Variants in CENPP observed in about 807,000 individuals in gnomAD.
CENPP encodes centromere protein P.
In CENPP, 24 loss-of-function variants were observed where a neutral mutation model predicts 35.6. The ratio of observed to expected loss-of-function variants is 0.67; its 90% confidence interval spans 0.49 to 0.95. The LOEUF (loss-of-function observed/expected upper bound fraction) is 0.95. Among genes scored for constraint, CENPP ranks in the 40% least tolerant of loss-of-function variants. The pLI, the probability that CENPP is intolerant of heterozygous loss-of-function variation, is 0.00. For missense variants in CENPP, 332 were observed against 345.3 expected, an observed-to-expected ratio of 0.96 and a Z score of 0.31; for synonymous variants, 120 against 125.5, an observed-to-expected ratio of 0.96 and a Z score of 0.29.
At chr9:92,390,778 A>G (rs763923036) in intron 5 of CENPP, among the ~76,000 whole-genome samples, 2 of 152,212 alleles carry the variant, frequency 1.3e-5, no homozygotes, top group Non-Finnish European at 2.9e-5. Flanking sequence ...TCCATCAACT[A>G]TTAGTATATA....
At chr9:92,499,795 T>G (rs145255168) in intron 5 of CENPP, among the ~76,000 whole-genome samples, 58 of 152,362 alleles carry the variant, frequency 3.8e-4, no homozygotes, top group African/African-American at 1.3e-3. Flanking sequence ...GGGGAAAGAC[T>G]AAGAGGCATA....
At chr9:92,454,031 T>C (rs908256336) in intron 5 of CENPP, among the ~76,000 whole-genome samples, 4 of 152,224 alleles carry the variant, frequency 2.6e-5, no homozygotes, top group African/African-American at 9.6e-5. Context: ...GAAAATCACT[T>C]CAGTAATTTA....
At position 92,476,697 on chromosome 9, in the gene CENPP, C is replaced by T. The variant is rs1452596619; in HGVS notation, c.564+96838C>T. On this transcript the variant is annotated intron_variant, in intron 5 of 7. Coordinates refer to ENST00000375587, the MANE Select transcript of CENPP (RefSeq NM_001012267.3). This position sits in a 1 kb window ranked among gnomAD's most constrained non-coding sequence, Gnocchi z 4.1. ...CTAGCCCTAGCCTCCCATCTGTACA[C>T]TACTTTGTGGAGGTGTTAATTCAGA... Among the ~76,000 whole-genome samples the T allele has an allele frequency of 6.6e-6, 1 of 152,196 alleles. No homozygotes were observed. Among genetic ancestry groups the T allele is most frequent in the Non-Finnish European group, 1.5e-5 (1 of 68,024 alleles).
chr9:92,464,622 G>C, intron 5 of CENPP: 1 of 507,268 alleles, frequency 2.0e-6, no homozygotes, highest in South Asian at 1.5e-5. Context: ...CCTCTAACAG[G>C]TACTGCACAG....
intron 5 of CENPP, among the ~76,000 whole-genome samples, chr9:92,575,859 A>G (rs187978270): frequency 6.6e-6 from 1 of 152,252 alleles, no homozygotes; most frequent in Admixed American, 6.5e-5. Context: ...AATAACAAGC[A>G]CTGGCAAGAA....
intron 5 of CENPP, among the ~76,000 whole-genome samples, chr9:92,498,603 A>G (rs1015000566): frequency 6.6e-6 from 1 of 152,182 alleles, no homozygotes; most frequent in Non-Finnish European, 1.5e-5. Context: ...AAAACCAAAA[A>G]TAAACTAAAT....
At chr9:92,400,989 G>A in intron 5 of CENPP, 1 of 609,424 alleles carries the variant, frequency 1.6e-6, no homozygotes, top group Non-Finnish European at 2.9e-6. Context: ...TCCACTGTTT[G>A]TATTTACTGT....
chr9:92,566,650 G>A (rs928749862), intron 5 of CENPP, among the ~76,000 whole-genome samples: 2 of 152,282 alleles, frequency 1.3e-5, no homozygotes, highest in East Asian at 3.9e-4. Flanking sequence ...TTTGGAGATA[G>A]GGCAATGGAA....
At chr9:92,557,321 A>T (rs973119159) in intron 5 of CENPP, among the ~76,000 whole-genome samples, 28 of 152,280 alleles carry the variant, frequency 1.8e-4, no homozygotes, top group African/African-American at 6.3e-4. Flanking sequence ...TTTTGCGATG[A>T]ATTTCCCAGG....
intron 5 of CENPP, chr9:92,505,534 T>C: frequency 6.3e-7 from 1 of 1,589,736 alleles, no homozygotes; most frequent in South Asian, 1.2e-5. Context: ...TATTGTTACC[T>C]CAATAGAACC....
chr9:92,600,191 A>C, intron 5 of CENPP: 1 of 948,256 alleles, frequency 1.1e-6, no homozygotes, highest in Non-Finnish European at 1.4e-6. Context: ...AGTTCTTTTC[A>C]ACCATGTTTA....
At chr9:92,372,473 T>C (rs1842033224) in intron 4 of CENPP, among the ~76,000 whole-genome samples, 1 of 152,210 alleles carries the variant, frequency 6.6e-6, no homozygotes, top group South Asian at 2.1e-4. Context: ...ATTTGGTAGA[T>C]TTTTGTAGTG....
At chr9:92,332,073 AAG>A in intron 1 of CENPP, 95 bp from the exon 2 acceptor site, 1 of 663,038 alleles carries the variant, frequency 1.5e-6, no homozygotes. Context: ...GGAAGAGAGT[AAG>A]AGGGACAAAA....
chr9:92,420,915 GGAA>G (rs1436447058), intron 5 of CENPP, among the ~76,000 whole-genome samples: 8 of 152,100 alleles, frequency 5.3e-5, no homozygotes, highest in African/African-American at 1.7e-4. Context: ...AGGGAAGTGA[GGAA>G]GAAGATCTCT....
At chr9:92,526,990 T>C (rs1848455423) in intron 5 of CENPP, among the ~76,000 whole-genome samples, 1 of 152,026 alleles carries the variant, frequency 6.6e-6, no homozygotes, top group Admixed American at 6.6e-5. Context: ...CTTTCCTATG[T>C]GTAGATATGT....
intron 5 of CENPP, among the ~76,000 whole-genome samples, chr9:92,416,098 A>ATTTTTTT (rs1354339127): frequency 7.5e-6 from 1 of 133,532 alleles, no homozygotes; most frequent in African/African-American, 3.0e-5. Context: ...TTATTTATTT[A>ATTTTTTT]TTTTATTTTT....
chr9:92,372,837 G>A (rs1011402672), intron 4 of CENPP, among the ~76,000 whole-genome samples: 2 of 151,022 alleles, frequency 1.3e-5, no homozygotes, highest in Non-Finnish European at 2.9e-5. Context: ...TTTTTGATAG[G>A]TGACTAGACT....
At chr9:92,496,519 C>T (rs1264799935) in intron 5 of CENPP, 1 of 1,585,934 alleles carries the variant, frequency 6.3e-7, no homozygotes, top group African/African-American at 1.4e-5. Context: ...ACACATGGTC[C>T]CAGTAATAAT....
At chr9:92,599,351 A>G (rs756899220) in intron 5 of CENPP, among the ~76,000 whole-genome samples, 12 of 152,162 alleles carry the variant, frequency 7.9e-5, no homozygotes, top group Non-Finnish European at 1.5e-4. Flanking sequence ...GCCCCTGGCT[A>G]GACTATCACT....
Sources: gnomAD v4.1 joint callset for allele counts (sites outside exome capture counted in the v4.1 genomes callset) on GRCh38, gnomAD v4.1.1 for gene constraint, Gnocchi (gnomAD v3.1) non-coding constraint, MANE v1.5 for transcripts, NCBI Gene and HGNC (gene_info 2026-07-23, HGNC 2026-07-21) for gene names.